The following AFG2A variants were observed in gnomAD, a reference collection of about 807,000 sequenced individuals.
The protein encoded by AFG2A is ATPase family gene 2 protein homolog A.
At chr4:122,964,070 A>G in the AFG2A span, among the ~76,000 whole-genome samples, 6 of 152,308 alleles carry the variant, frequency 3.9e-5, no homozygotes, top group African/African-American at 1.4e-4. Flanking sequence ...AAAACTCAGT[A>G]TTTTAGTAAG....
chr4:123,311,024 A>G, the AFG2A span, among the ~76,000 whole-genome samples: 1 of 152,164 alleles, frequency 6.6e-6, no homozygotes, highest in Non-Finnish European at 1.5e-5. Context: ...TCTTTTCATT[A>G]ACACTCAGAA....
the AFG2A span, among the ~76,000 whole-genome samples, chr4:123,277,550 T>C: frequency 1.3e-5 from 2 of 152,152 alleles, no homozygotes; most frequent in African/African-American, 4.8e-5. Context: ...TCTGGTCTTG[T>C]GCTGTTTTTC....
chr4:123,304,081 T>G, the AFG2A span, among the ~76,000 whole-genome samples: 4 of 152,054 alleles, frequency 2.6e-5, no homozygotes, highest in African/African-American at 9.7e-5. Context: ...TAAAAATAAG[T>G]GCTGCTTGCT....
the AFG2A span, among the ~76,000 whole-genome samples, chr4:123,072,397 G>A: frequency 6.6e-6 from 1 of 152,148 alleles, no homozygotes; most frequent in Non-Finnish European, 1.5e-5. Context: ...AAGGCTAGAA[G>A]TGAGGCACAG....
the AFG2A span, among the ~76,000 whole-genome samples, chr4:123,235,869 G>A: frequency 6.6e-6 from 1 of 152,032 alleles, no homozygotes; most frequent in Non-Finnish European, 1.5e-5. Flanking sequence ...ACGGAAGTGA[G>A]GAAATTATAT....
At chr4:123,052,405 C>A in the AFG2A span, among the ~76,000 whole-genome samples, 1 of 152,110 alleles carries the variant, frequency 6.6e-6, no homozygotes, top group Non-Finnish European at 1.5e-5. Flanking sequence ...TTTTGAATTC[C>A]TTGTCTGAAA....
At chr4:123,056,851 C>T in the AFG2A span, among the ~76,000 whole-genome samples, 1 of 152,090 alleles carries the variant, frequency 6.6e-6, no homozygotes, top group South Asian at 2.1e-4. Flanking sequence ...TTATTATCTC[C>T]ATTTTATAGA....
At chr4:123,089,905 A>G in the AFG2A span, among the ~76,000 whole-genome samples, 3 of 152,066 alleles carry the variant, frequency 2.0e-5, no homozygotes, top group East Asian at 1.9e-4. Flanking sequence ...TTAAAAACTT[A>G]TATTTAGTAA....
chr4:123,020,204 C>T, the AFG2A span, among the ~76,000 whole-genome samples: 1 of 152,142 alleles, frequency 6.6e-6, no homozygotes, highest in African/African-American at 2.4e-5. Flanking sequence ...CACACACACA[C>T]ATGCACACAG....
At chr4:122,960,292 A>G in the AFG2A span, among the ~76,000 whole-genome samples, 2 of 152,258 alleles carry the variant, frequency 1.3e-5, no homozygotes, top group African/African-American at 4.8e-5. Flanking sequence ...AACAACATAG[A>G]TAAGCATACT....
At chr4:123,256,160 G>T in the AFG2A span, 12,409 of 1,614,010 alleles carry the variant, frequency 7.7e-3, 100 homozygotes, top group Admixed American at 0.036. Context: ...CCTTCAAACC[G>T]ACGCATACTC....
At chr4:123,002,637 C>T in the AFG2A span, among the ~76,000 whole-genome samples, 2 of 152,208 alleles carry the variant, frequency 1.3e-5, no homozygotes, top group Non-Finnish European at 2.9e-5. Context: ...TTGGCCTCCA[C>T]TCTCTTCTGG....
At chr4:123,149,468 C>T in the AFG2A span, among the ~76,000 whole-genome samples, 5 of 152,132 alleles carry the variant, frequency 3.3e-5, no homozygotes, top group Non-Finnish European at 7.4e-5. Context: ...GAAGCTTTTT[C>T]TCTGCTTCGA....
chr4:123,114,211 G>A, the AFG2A span, among the ~76,000 whole-genome samples: 2 of 152,114 alleles, frequency 1.3e-5, no homozygotes, highest in African/African-American at 2.4e-5. Context: ...ATGCCGATTG[G>A]TCCATGGGCC....
the AFG2A span, chr4:122,935,670 A>C: frequency 2.7e-5 from 40 of 1,491,380 alleles, no homozygotes; most frequent in Non-Finnish European, 3.6e-5. Flanking sequence ...ATTTATAAGA[A>C]ACCTAGTAAT....
the AFG2A span, among the ~76,000 whole-genome samples, chr4:122,988,401 C>T: frequency 3.3e-5 from 4 of 123,060 alleles, no homozygotes; most frequent in African/African-American, 5.9e-5. Context: ...GTCATTCTTT[C>T]TTTTTTTTTT....
At chr4:122,953,057 T>C in the AFG2A span, among the ~76,000 whole-genome samples, 2 of 152,132 alleles carry the variant, frequency 1.3e-5, no homozygotes, top group African/African-American at 4.8e-5. Flanking sequence ...TTGGGCTAAC[T>C]CCTTAACAAT....
the AFG2A span, among the ~76,000 whole-genome samples, chr4:123,302,667 G>C: frequency 6.6e-6 from 1 of 152,058 alleles, no homozygotes; most frequent in Admixed American, 6.5e-5. Flanking sequence ...CAGGACCAAG[G>C]CTGCAGGGCC....
chr4:123,051,668 G>T, the AFG2A span, among the ~76,000 whole-genome samples: 1 of 144,154 alleles, frequency 6.9e-6, no homozygotes, highest in Non-Finnish European at 1.5e-5. Flanking sequence ...TTTGGCCTGG[G>T]AAAGTCTTTA....
Sources: gnomAD v4.1 joint callset for allele counts (sites outside exome capture counted in the v4.1 genomes callset) on GRCh38, gnomAD v4.1.1 for gene constraint, MANE v1.5 for transcripts, NCBI Gene and HGNC (gene_info 2026-07-23, HGNC 2026-07-21) for gene names.